TRIM16: variants seen among roughly 807,000 people sequenced by gnomAD.
The protein encoded by TRIM16 is tripartite motif containing 16, also known as tripartite motif-containing protein 16.
A neutral mutation model predicts 50.4 loss-of-function variants in TRIM16; 33 were observed. The ratio of observed to expected loss-of-function variants is 0.65; its 90% CI spans 0.50 to 0.88. The LOEUF (loss-of-function observed/expected upper bound fraction) is 0.88. Ranked by LOEUF, TRIM16 falls within the 40% of genes least tolerant of loss-of-function variation. TRIM16 has a pLI of 0.00. For missense variants in TRIM16, 581 were observed against 686.8 expected (o/e 0.85, Z 1.72); for synonymous variants, 229 against 270.7 (o/e 0.85, Z 1.51).
rs1268399240 is a variant in TRIM16 at position 15,628,906 on chromosome 17, G to T, written c.1404C>A (p.Ser468Arg). 1 of 1,614,234 alleles carries T rather than the reference G, an allele frequency of 6.2e-7. No individual in the cohort carries two copies. The highest frequency in any genetic ancestry group is 1.1e-5 in the South Asian group (1 of 91,086). ...SCISGNNFSW[S>R]LQWNGKEFTA... ...TGAACTCCTTCCCGTTCCATTGGAG[G>T]CTCCAGGAGAAGTTGTTTCCGGAAA... Residue 468 changes from serine to arginine, a missense_variant, in exon 12 of 12, where the codon AGC (serine) becomes AGA (arginine). Physicochemically the swap from Ser to Arg is moderately radical, Grantham distance 110. Coordinates refer to ENST00000649191, the MANE Select transcript of TRIM16 (RefSeq NM_001348119.1).
intron 9 of TRIM16, among the ~76,000 whole-genome samples, chr17:15,635,826 T>G (rs968396975): frequency 1.5e-5 from 2 of 135,154 alleles, no homozygotes; most frequent in Non-Finnish European, 3.1e-5. Flanking sequence ...TTCCGGGACC[T>G]GCTTCAAGCT....
chr17:15,633,422 T>C (rs981281402), intron 9 of TRIM16, among the ~76,000 whole-genome samples: 1 of 150,952 alleles, frequency 6.6e-6, no homozygotes, highest in African/African-American at 2.4e-5. Context: ...AAAGTAGCAT[T>C]TTAAATCAGT....
At chr17:15,671,570 C>A (rs1255215424) in intron 6 of TRIM16, among the ~76,000 whole-genome samples, 1 of 151,506 alleles carries the variant, frequency 6.6e-6, no homozygotes, top group Non-Finnish European at 1.5e-5. Flanking sequence ...GTCAAAGTTC[C>A]TAGAAGAATG....
intron 4 of TRIM16, among the ~76,000 whole-genome samples, chr17:15,679,936 C>CAAAAAAAAA (rs56845789): frequency 7.8e-6 from 1 of 128,642 alleles, no homozygotes; most frequent in Non-Finnish European, 1.6e-5. Context: ...GACTATGTCT[C>CAAAAAAAAA]AAAAAAAAAA....
intron 6 of TRIM16, 68 bp from the exon 7 acceptor site, chr17:15,652,014 A>C (rs1196520941): frequency 9.5e-7 from 1 of 1,054,944 alleles, no homozygotes; most frequent in Non-Finnish European, 1.1e-6. Flanking sequence ...CTGACAAGCG[A>C]CATTTTTTTT....
At chr17:15,664,720 A>G (rs1005617834) in intron 6 of TRIM16, among the ~76,000 whole-genome samples, 3 of 151,648 alleles carry the variant, frequency 2.0e-5, no homozygotes, top group Non-Finnish European at 4.4e-5. Context: ...GATGTGTCTT[A>G]TATCTGCTGC....
intron 6 of TRIM16, among the ~76,000 whole-genome samples, chr17:15,660,683 G>A (rs1010364036): frequency 7.2e-5 from 11 of 152,204 alleles, no homozygotes; most frequent in African/African-American, 2.6e-4. Context: ...TGGATCACGA[G>A]GTCAGGAGAT....
At chr17:15,674,929 T>C (rs1049294092) in intron 6 of TRIM16, among the ~76,000 whole-genome samples, 2 of 151,974 alleles carry the variant, frequency 1.3e-5, no homozygotes, top group African/African-American at 4.8e-5. Flanking sequence ...CAAAGTTTTA[T>C]AGGAAGGTGG....
intron 6 of TRIM16, among the ~76,000 whole-genome samples, chr17:15,668,428 T>A (rs1021196681): frequency 9.2e-5 from 14 of 152,152 alleles, no homozygotes; most frequent in Non-Finnish European, 1.8e-4. Context: ...AAAATATAAG[T>A]CTGATCATGT....
At chr17:15,634,147 G>A (rs948419595) in intron 9 of TRIM16, among the ~76,000 whole-genome samples, 3 of 147,406 alleles carry the variant, frequency 2.0e-5, no homozygotes, top group Non-Finnish European at 4.5e-5. Flanking sequence ...GGCTAACACG[G>A]TGAAACCCCA....
chr17:15,684,104 G>A (rs1397046025), intron 1 of TRIM16, 92 bp downstream of exon 1: 1 of 152,276 alleles, frequency 6.6e-6, no homozygotes, highest in African/African-American at 2.4e-5. Context: ...TCCAGCAGAA[G>A]GAATTACAGT....
chr17:15,644,954 T>C (rs372242043), intron 7 of TRIM16, among the ~76,000 whole-genome samples: 7,954 of 151,962 alleles, frequency 0.052, 205 homozygotes, highest in African/African-American at 0.075. Flanking sequence ...TAGCTGGGAT[T>C]ACAGATACAC....
intron 7 of TRIM16, among the ~76,000 whole-genome samples, chr17:15,643,713 A>T (rs1292014880): frequency 2.0e-5 from 3 of 152,096 alleles, no homozygotes; most frequent in Admixed American, 6.5e-5. Flanking sequence ...AACATAGGTA[A>T]ACATGATTAT....
intron 8 of TRIM16, among the ~76,000 whole-genome samples, chr17:15,636,991 G>T (rs1986783615): frequency 6.7e-6 from 1 of 149,504 alleles, no homozygotes; most frequent in South Asian, 2.2e-4. Flanking sequence ...ATCTTTCCAA[G>T]TTCTGAAGGT....
rs1327998767 is a variant in TRIM16 at position 15,680,945 on chromosome 17, A to C, written c.-670T>G. On this transcript the variant is annotated 5_prime_UTR_variant, in exon 4 of 12. Coordinates refer to ENST00000649191, the MANE Select transcript of TRIM16 (RefSeq NM_001348119.1). ...TTTTGGGAAAGGGCAGGGTCCTCAG[A>C]GGGCAGAACTGGAAGGAAATTGACA... 22 of 1,520,078 alleles carry C rather than the reference A, an allele frequency of 1.4e-5. No homozygotes were observed. The highest frequency in any genetic ancestry group is 1.9e-5 in the Non-Finnish European group (22 of 1,136,992). The allele number at this position is 1,520,078 out of a possible 1,614,324, so 94.2% of individuals were successfully genotyped here.
intron 11 of TRIM16, among the ~76,000 whole-genome samples, chr17:15,630,334 GT>G (rs1335492209): frequency 6.6e-6 from 1 of 152,192 alleles, no homozygotes; most frequent in Non-Finnish European, 1.5e-5. Flanking sequence ...GCACCATGGT[GT>G]TTTAAACTTG....
At chr17:15,662,665 A>T (rs2150928981) in intron 6 of TRIM16, among the ~76,000 whole-genome samples, 2 of 152,258 alleles carry the variant, frequency 1.3e-5, no homozygotes, top group Non-Finnish European at 1.5e-5. Flanking sequence ...TGCTGCCACC[A>T]CCAGCACCAT....
chr17:15,662,520 C>A (rs193222624), intron 6 of TRIM16, among the ~76,000 whole-genome samples: 4 of 152,354 alleles, frequency 2.6e-5, no homozygotes, highest in African/African-American at 9.6e-5. Flanking sequence ...TCTTAAATTT[C>A]ATCTTTCCTG....
At chr17:15,680,373 GT>G (rs1316130888) in intron 4 of TRIM16, among the ~76,000 whole-genome samples, 2 of 147,088 alleles carry the variant, frequency 1.4e-5, no homozygotes, top group East Asian at 4.0e-4. Flanking sequence ...AAATCTGCTG[GT>G]TTGTGCCACA....
Sources: gnomAD v4.1 joint callset for allele counts (sites outside exome capture counted in the v4.1 genomes callset) on GRCh38, gnomAD v4.1.1 for gene constraint, MANE v1.5 for transcripts, NCBI Gene and HGNC (gene_info 2026-07-23, HGNC 2026-07-21) for gene names.